The following PDZRN3 variants were observed in gnomAD, a reference collection of about 807,000 sequenced individuals.
PDZRN3 encodes E3 ubiquitin-protein ligase PDZRN3.
A neutral mutation model predicts 85.7 loss-of-function variants in PDZRN3; 38 were observed. That is an observed-to-expected ratio of 0.44 (90% confidence interval 0.34 to 0.58). PDZRN3 has a LOEUF of 0.58. PDZRN3 is among the 20% of genes least tolerant of loss of function. PDZRN3 has a pLI of 0.01. For missense variants in PDZRN3, 1,629 were observed against 1,506.4 expected (o/e 1.08, Z -1.35); for synonymous variants, 759 against 638.0 (o/e 1.19, Z -2.86).
In PDZRN3 at chr3:73,384,935, A is replaced by G. The variant is rs6787588; in HGVS notation, c.1636-5T>C. ...ACCGTCTTCGTCGTGCTTCTTCTGCATAAACACAAGAACAAAGGGTCACAG... is the reference window on the plus strand; with the variant it reads ...ACCGTCTTCGTCGTGCTTCTTCTGCGTAAACACAAGAACAAAGGGTCACAG... On this transcript the variant is annotated splice_region_variant and splice_polypyrimidine_tract_variant and intron_variant, in intron 9 of 9. Transcript: ENST00000263666. The G allele has an allele frequency of 0.35, 548,026 of 1,586,502 alleles. 95,639 individuals carry two copies. Among genetic ancestry groups the G allele is most frequent in the African/African-American group, 0.43 (31,751 of 74,122 alleles).
At chr3:73,575,602 C>T (rs1476493976) in intron 3 of PDZRN3, among the ~76,000 whole-genome samples, 2 of 152,080 alleles carry the variant, frequency 1.3e-5, no homozygotes, top group East Asian at 3.9e-4. Flanking sequence ...TGCTTATAGA[C>T]AAATGTGAAC....
intron 3 of PDZRN3, among the ~76,000 whole-genome samples, chr3:73,563,009 A>ATTTTTTTT (rs1701862401): frequency 2.5e-5 from 1 of 39,678 alleles, no homozygotes; most frequent in African/African-American, 1.1e-4. Context: ...ATATATATAT[A>ATTTTTTTT]TATATTTTTT....
At chr3:73,603,779 A>G (rs1362665919) in intron 2 of PDZRN3, among the ~76,000 whole-genome samples, 1 of 152,086 alleles carries the variant, frequency 6.6e-6, no homozygotes, top group East Asian at 1.9e-4. Flanking sequence ...AGTGTGATTC[A>G]GTCTACCCCT....
intron 3 of PDZRN3, among the ~76,000 whole-genome samples, chr3:73,455,930 T>C (rs1409452015): frequency 1.3e-5 from 2 of 152,204 alleles, no homozygotes; most frequent in Non-Finnish European, 2.9e-5. Flanking sequence ...AGCATAGTTA[T>C]GGGAATTAGA....
chr3:73,569,632 T>C (rs1169597436), intron 3 of PDZRN3: 1 of 933,076 alleles, frequency 1.1e-6, no homozygotes, highest in Non-Finnish European at 1.3e-6. Flanking sequence ...TCTGGGGTCT[T>C]CTCCAGGCAG....
chr3:73,384,851 C>A lies in PDZRN3; in HGVS notation c.1715G>T (p.Gly572Val). Residue 572 changes from glycine to valine, a missense_variant, in exon 10 of 10, where the codon GGG (glycine) becomes GTG (valine). Physicochemically the swap from Gly to Val is moderately radical, Grantham distance 109. Transcript: ENST00000263666. ...SNQHEKDSGVGRTDESTRNDE... is the reference protein window; with the variant it reads ...SNQHEKDSGVVRTDESTRNDE... ...ATTACGGGTGCTCTCGTCGGTCCGCCCCACACCGCTGTCCTTCTCGTGCTG... is the reference window on the plus strand; with the variant it reads ...ATTACGGGTGCTCTCGTCGGTCCGCACCACACCGCTGTCCTTCTCGTGCTG... 1 of 1,614,166 alleles carries A rather than the reference C, an allele frequency of 6.2e-7. No homozygotes were observed. The highest frequency in any genetic ancestry group is 8.5e-7 in the Non-Finnish European group (1 of 1,180,028).
chr3:73,489,761 T>C (rs1370587419), intron 3 of PDZRN3, among the ~76,000 whole-genome samples: 2 of 151,824 alleles, frequency 1.3e-5, no homozygotes, highest in Admixed American at 6.6e-5. Context: ...TTAGTAGAGA[T>C]GGTGTTTCAT....
At chr3:73,512,503 C>T (rs1704185228) in intron 3 of PDZRN3, among the ~76,000 whole-genome samples, 2 of 151,952 alleles carry the variant, frequency 1.3e-5, no homozygotes, top group Non-Finnish European at 2.9e-5. Flanking sequence ...CATTTAATAG[C>T]GTCATATGGG....
At chr3:73,389,177 A>C (rs1445166768) in intron 7 of PDZRN3, among the ~76,000 whole-genome samples, 1 of 152,066 alleles carries the variant, frequency 6.6e-6, no homozygotes, top group Admixed American at 6.6e-5. Context: ...TAGAAAGCTA[A>C]GCCTTGTGGA....
intron 3 of PDZRN3, among the ~76,000 whole-genome samples, chr3:73,410,321 G>C (rs1701940905): frequency 1.3e-5 from 2 of 152,178 alleles, no homozygotes; most frequent in East Asian, 1.9e-4. Context: ...GAAGAAATGT[G>C]AGTTTCAGGA....
intron 3 of PDZRN3, among the ~76,000 whole-genome samples, chr3:73,589,721 A>C (rs1034312917): frequency 2.6e-5 from 4 of 152,190 alleles, no homozygotes; most frequent in African/African-American, 9.7e-5. Flanking sequence ...ATTTCTTACA[A>C]AGTATAAATG....
At chr3:73,546,972 T>C (rs1220997830) in intron 3 of PDZRN3, among the ~76,000 whole-genome samples, 1 of 152,188 alleles carries the variant, frequency 6.6e-6, no homozygotes, top group African/African-American at 2.4e-5. Flanking sequence ...TACTCCCAAC[T>C]ACATGCCTAT....
At chr3:73,473,922 T>C (rs6769380) in intron 3 of PDZRN3, among the ~76,000 whole-genome samples, 24,026 of 152,032 alleles carry the variant, frequency 0.16, 3,996 homozygotes, top group African/African-American at 0.43. Flanking sequence ...TCAGCAACTG[T>C]GTGACATAAT....
Position 73,383,715 on chromosome 3 carries a change from G to C in PDZRN3, c.2851C>G (p.Arg951Gly). 1.2e-6 allele frequency: 2 copies of C among 1,611,648 alleles called. No individual in the cohort carries two copies. The highest frequency in any genetic ancestry group is 8.5e-7 in the Non-Finnish European group (1 of 1,180,000). The change falls in exon 10 of 10, where the codon CGG becomes GGG. Residue 951 changes from arginine (R) to glycine (G), a missense_variant. Arg to Gly is a moderately radical substitution (Grantham distance 125). Transcript: ENST00000263666. ...RLLRERALKI[R>G]EERSGMTTDD... ...GTGGTCATGCCGCTGCGCTCTTCCC[G>C]GATCTTCAGGGCGCGCTCCCGCAGC...
intron 3 of PDZRN3, among the ~76,000 whole-genome samples, chr3:73,592,176 G>T (rs1159716202): frequency 2.6e-5 from 4 of 152,048 alleles, no homozygotes; most frequent in African/African-American, 9.7e-5. Flanking sequence ...CTGGCTAACG[G>T]ATCCTCAAAT....
intron 3 of PDZRN3, among the ~76,000 whole-genome samples, chr3:73,423,370 CTG>C (rs1397536001): frequency 1.3e-5 from 2 of 152,160 alleles, no homozygotes; most frequent in African/African-American, 4.8e-5. Flanking sequence ...AGGAATGTGT[CTG>C]TGTTATGGTA....
At chr3:73,593,709 T>TATAC (rs1246145951) in intron 3 of PDZRN3, among the ~76,000 whole-genome samples, 12,499 of 141,688 alleles carry the variant, frequency 0.088, 652 homozygotes, top group African/African-American at 0.16. Flanking sequence ...GAAATAAATA[T>TATAC]ACACACACAC....
At chr3:73,546,775 T>G (rs1341472346) in intron 3 of PDZRN3, among the ~76,000 whole-genome samples, 1 of 152,250 alleles carries the variant, frequency 6.6e-6, no homozygotes, top group Admixed American at 6.5e-5. Flanking sequence ...GAGCAATGAC[T>G]TTATCAAATT....
intron 3 of PDZRN3, among the ~76,000 whole-genome samples, chr3:73,528,439 G>C (rs1704575268): frequency 6.6e-6 from 1 of 152,130 alleles, no homozygotes; most frequent in African/African-American, 2.4e-5. Flanking sequence ...TAAAGTTAGA[G>C]TAATGTTACC....
Sources: gnomAD v4.1 joint callset for allele counts (sites outside exome capture counted in the v4.1 genomes callset) on GRCh38, gnomAD v4.1.1 for gene constraint, MANE v1.5 for transcripts, NCBI Gene and HGNC (gene_info 2026-07-23, HGNC 2026-07-21) for gene names.